The following GFOD1 variants were observed in gnomAD, a reference collection of about 807,000 sequenced individuals.
The protein encoded by GFOD1 is glucose-fructose oxidoreductase domain-containing protein 1.
A neutral mutation model predicts 25.4 loss-of-function variants in GFOD1; 9 were observed. The ratio of observed to expected loss-of-function variants is 0.35; its 90% CI spans 0.21 to 0.62. The LOEUF is 0.62. GFOD1 is among the 20% of genes least tolerant of loss of function. The probability of loss-of-function intolerance (pLI) is 0.72; values close to 1 mark genes in which losing one functional copy is unlikely to be tolerated. For synonymous variants in GFOD1, 253 were observed against 245.6 expected (o/e 1.03, Z -0.28); for missense variants, 403 against 556.9 (o/e 0.72, Z 2.78).
intron 1 of GFOD1, among the ~76,000 whole-genome samples, chr6:13,452,618 C>T (rs1758119451): frequency 6.6e-6 from 1 of 152,210 alleles, no homozygotes; most frequent in Admixed American, 6.5e-5. Context: ...CCAACCAGAG[C>T]ACCCCATATC....
intron 1 of GFOD1, among the ~76,000 whole-genome samples, chr6:13,478,596 G>A (rs896261154): frequency 9.2e-5 from 14 of 152,222 alleles, no homozygotes; most frequent in South Asian, 2.1e-4. Flanking sequence ...CCCCCACACC[G>A]TGGGTAACCA....
Position 13,430,820 on chromosome 6 carries a change from C to T in GFOD1, c.253+55818G>A, listed in dbSNP as rs1394029718. Among the ~76,000 whole-genome samples the T allele has an allele frequency of 2.0e-5, 3 of 152,156 alleles. No individual in the cohort carries two copies. Among genetic ancestry groups the T allele is most frequent in the African/African-American group, 4.8e-5 (2 of 41,430 alleles). ...GCTCGCTACCAAACTCTACTCCTCACCCTCTCTTTCTCCAGGACTCCCTCC... is the reference window on the plus strand; with the variant it reads ...GCTCGCTACCAAACTCTACTCCTCATCCTCTCTTTCTCCAGGACTCCCTCC... On this transcript the variant is annotated intron_variant, in intron 1 of 1. Transcript: ENST00000379287. This position sits in a 1 kb window ranked among gnomAD's most constrained non-coding sequence, Gnocchi z 4.1.
At chr6:13,460,818 C>A in intron 1 of GFOD1, among the ~76,000 whole-genome samples, 1 of 152,144 alleles carries the variant, frequency 6.6e-6, no homozygotes, top group East Asian at 1.9e-4. Flanking sequence ...GTCCTGCATA[C>A]GTATTCCAGA....
At position 13,364,848 on chromosome 6, in the gene GFOD1, C is replaced by G. The variant is rs764195315; in HGVS notation, c.1068G>C (p.Thr356=). The G allele has an allele frequency of 6.2e-7, 1 of 1,614,066 alleles. No individual in the cohort carries two copies. The highest frequency in any genetic ancestry group is 1.7e-5 in the Admixed American group (1 of 60,026). The change falls in exon 2 of 2, where the codon ACG becomes ACC. Residue 356 remains threonine (T), a synonymous_variant. Coordinates refer to ENST00000379287, the MANE Select transcript of GFOD1 (RefSeq NM_018988.4). This position sits in a 1 kb window ranked among gnomAD's most constrained non-coding sequence, Gnocchi z 4.1. The part of the protein sequence containing the change: ...VVDTIKRSSQ[T]GEWQNIAIMT... ...TGATGGCAATGTTCTGCCACTCGCC[C>G]GTCTGGCTGGACCTCTTGATGGTGT...
chr6:13,411,551 C>A (rs900536492), intron 1 of GFOD1, among the ~76,000 whole-genome samples: 1 of 152,172 alleles, frequency 6.6e-6, no homozygotes, highest in South Asian at 2.1e-4. Context: ...CTCAGCCTCC[C>A]AAAATGCTGG....
intron 1 of GFOD1, among the ~76,000 whole-genome samples, chr6:13,394,833 A>G (rs1436009216): frequency 1.3e-5 from 2 of 152,044 alleles, no homozygotes; most frequent in Non-Finnish European, 2.9e-5. Flanking sequence ...GCGTTTCACC[A>G]TATTGGCCAG....
chr6:13,484,479 G>A (rs1212764338), intron 1 of GFOD1, among the ~76,000 whole-genome samples: 1 of 152,098 alleles, frequency 6.6e-6, no homozygotes, highest in African/African-American at 2.4e-5. Flanking sequence ...GGGGCACCCT[G>A]CAAAAGAAGG....
rs1263231280 is a variant in GFOD1 at position 13,364,971 on chromosome 6, C to T, written c.945G>A (p.Gln315=). 6.2e-7 allele frequency: 1 copy of T among 1,609,708 alleles called. No individual in the cohort carries two copies. The highest frequency in any genetic ancestry group is 8.5e-7 in the Non-Finnish European group (1 of 1,179,700). The change falls in exon 2 of 2, where the codon CAG becomes CAA. Residue 315 remains glutamine (Q), a synonymous_variant. Transcript: ENST00000379287. This position sits in a 1 kb window ranked among gnomAD's most constrained non-coding sequence, Gnocchi z 4.1. ...GTIKMMQAVR[Q]AFQDQDDRRT... ...GCCGGTCGTCCTGGTCCTGGAAGGCCTGGCGCACCGCCTGCATCATCTTGA... is the reference window on the plus strand; with the variant it reads ...GCCGGTCGTCCTGGTCCTGGAAGGCTTGGCGCACCGCCTGCATCATCTTGA...
chr6:13,467,725 T>TTC (rs779842649), intron 1 of GFOD1, among the ~76,000 whole-genome samples: 50,410 of 151,922 alleles, frequency 0.33, 8,910 homozygotes, highest in East Asian at 0.42. Flanking sequence ...CTGTTCCAGC[T>TTC]GTTTCTGACC....
intron 1 of GFOD1, among the ~76,000 whole-genome samples, chr6:13,376,211 G>T (rs1483312855): frequency 6.6e-6 from 1 of 152,178 alleles, no homozygotes; most frequent in African/African-American, 2.4e-5. Context: ...GGTGGGACGG[G>T]GGCAAGAGGT....
intron 1 of GFOD1, among the ~76,000 whole-genome samples, chr6:13,436,147 T>C (rs1000160456): frequency 6.6e-6 from 1 of 152,242 alleles, no homozygotes; most frequent in African/African-American, 2.4e-5. Context: ...TTTACTCTTT[T>C]GTACCTTTGA....
intron 1 of GFOD1, among the ~76,000 whole-genome samples, chr6:13,438,109 A>G (rs894436095): frequency 9.8e-5 from 15 of 152,360 alleles, no homozygotes; most frequent in Admixed American, 3.3e-4. Context: ...AGGGTTTAGT[A>G]GGCTACACAC....
chr6:13,466,238 T>C (rs1758376937), intron 1 of GFOD1, among the ~76,000 whole-genome samples: 1 of 152,226 alleles, frequency 6.6e-6, no homozygotes, highest in South Asian at 2.1e-4. Context: ...TTTATTGCCA[T>C]ATGGCATGGA....
chr6:13,463,276 AG>A (rs1162236447), intron 1 of GFOD1, among the ~76,000 whole-genome samples: 1 of 152,138 alleles, frequency 6.6e-6, no homozygotes, highest in African/African-American at 2.4e-5. Flanking sequence ...ACTTGGAAAA[AG>A]GGGTCTCACT....
At chr6:13,376,532 G>A (rs930611859) in intron 1 of GFOD1, among the ~76,000 whole-genome samples, 5 of 152,124 alleles carry the variant, frequency 3.3e-5, no homozygotes, top group Non-Finnish European at 1.5e-5. Context: ...GCCAATTTCT[G>A]GAGTGGAAGA....
At chr6:13,394,086 A>G (rs1402541094) in intron 1 of GFOD1, among the ~76,000 whole-genome samples, 1 of 152,032 alleles carries the variant, frequency 6.6e-6, no homozygotes, top group Non-Finnish European at 1.5e-5. Context: ...TCCTTGGCCA[A>G]TGTCTTAAAT....
At chr6:13,475,277 CA>C (rs1399494450) in intron 1 of GFOD1, among the ~76,000 whole-genome samples, 1 of 152,130 alleles carries the variant, frequency 6.6e-6, no homozygotes, top group African/African-American at 2.4e-5. Context: ...TGGCTATGAT[CA>C]AAAAGACTCA....
At chr6:13,464,271 T>A (rs994516070) in intron 1 of GFOD1, among the ~76,000 whole-genome samples, 1 of 152,196 alleles carries the variant, frequency 6.6e-6, no homozygotes, top group Non-Finnish European at 1.5e-5. Flanking sequence ...CTCCAGACGT[T>A]CATCTGGGTT....
rs528000545 is a variant in GFOD1 at position 13,404,045 on chromosome 6, AT to A, written c.254-38384del. Among the ~76,000 whole-genome samples the A allele has an allele frequency of 1.6e-3, 240 of 152,378 alleles. 1 individual carries two copies. Among genetic ancestry groups the A allele is most frequent in the African/African-American group, 5.4e-3 (225 of 41,596 alleles). On this transcript the variant is annotated intron_variant, in intron 1 of 1. Transcript: ENST00000379287. ...TAGCAAAATGTTTGAATGTTTATAT[AT>A]TTTTAAAAGTTAAAAAGTAAACAAC...
Sources: allele counts gnomAD v4.1 joint callset (sites outside exome capture counted in the v4.1 genomes callset), GRCh38; gene constraint gnomAD v4.1.1; non-coding constraint Gnocchi (gnomAD v3.1); transcripts MANE v1.5; gene names NCBI Gene and HGNC (gene_info 2026-07-23, HGNC 2026-07-21).